Variants in PECAM1 observed in about 807,000 individuals in gnomAD.
The protein encoded by PECAM1 is platelet endothelial cell adhesion molecule.
Under a neutral mutation model 13.8 loss-of-function variants are expected in PECAM1, and 8 were observed. That is an observed-to-expected ratio of 0.58 (90% CI 0.34 to 1.05). The LOEUF (loss-of-function observed/expected upper bound fraction) is 1.05, where lower values mean the gene tolerates loss of function less well. PECAM1 is among the 50% of genes least tolerant of loss of function. The probability of loss-of-function intolerance (pLI) is 0.03; values close to 1 mark genes in which losing one functional copy is unlikely to be tolerated. For synonymous variants in PECAM1, 136 were observed against 52.6 expected (o/e 2.58, Z -6.86); for missense variants, 304 against 141.2 (o/e 2.15, Z -5.84).
chr17:64,338,377 G>GC (rs1327724247), intron 14 of PECAM1, among the ~76,000 whole-genome samples: 3 of 150,428 alleles, frequency 2.0e-5, no homozygotes, highest in African/African-American at 7.3e-5. Flanking sequence ...ACCATGCCCA[G>GC]CCCTAAAAGC....
Position 64,353,320 on chromosome 17 carries a change from C to T in PECAM1, c.1916+171G>A, listed in dbSNP as rs989374661. Among the ~76,000 whole-genome samples, 20 of 151,722 alleles carry T rather than the reference C, an allele frequency of 1.3e-4. No individual in the cohort carries two copies. The South Asian group carries it at 2.5e-3, about 19-fold the overall frequency. On this transcript the variant is annotated intron_variant, in intron 10 of 15. Transcript: ENST00000563924. ...TTCCACGGAGGTACACACACACACA[C>T]ACACACACACACACACACACAACTC... is the stretch of plus-strand genomic sequence containing the variant.
chr17:64,369,904 T>G lies in PECAM1; in HGVS notation c.813A>C (p.Ile271=). 2.5e-6 allele frequency: 1 copy of G among 398,664 alleles called. No homozygotes were observed. Among genetic ancestry groups the G allele is most frequent in the Non-Finnish European group, 4.4e-6 (1 of 226,106 alleles). 24.7% of individuals were successfully genotyped at this position (398,664 alleles called of 1,614,324 possible). A position where few individuals can be genotyped will look rare whatever the true frequency, so the allele number is the denominator to read the frequency against. Residue 271 remains isoleucine, a synonymous_variant, in exon 5 of 16, where the codon ATA becomes ATC. Transcript: ENST00000563924. ...THLAQEFPEI[I]IQKDKAIVAH... is the part of the protein sequence containing the mutation. ...CCACAATCGCCTTGTCCTTCTGAAT[T>G]ATGATTTCTGGAAACTCCTGGGCCA...
intron 2 of PECAM1, among the ~76,000 whole-genome samples, chr17:64,387,525 G>T (rs1348936779): frequency 6.6e-6 from 1 of 152,170 alleles, no homozygotes; most frequent in Non-Finnish European, 1.5e-5. Context: ...AGAGATTCTA[G>T]AAGTGGTGGT....
intron 11 of PECAM1, among the ~76,000 whole-genome samples, chr17:64,351,314 T>G (rs1369586284): frequency 1.3e-5 from 2 of 152,220 alleles, no homozygotes; most frequent in African/African-American, 4.8e-5. Flanking sequence ...TCTTAAAACA[T>G]ATTTCTCAAG....
chr17:64,374,035 G>A (rs1265389510), intron 4 of PECAM1, among the ~76,000 whole-genome samples: 6 of 152,042 alleles, frequency 3.9e-5, no homozygotes, highest in African/African-American at 9.7e-5. Flanking sequence ...GCAAATCTAC[G>A]TTGAACAACA....
chr17:64,323,688 G>A lies in PECAM1; in HGVS notation c.*128C>T. ...TTAAGAACCGGCAGCTTAGCCTGAG[G>A]AATTGCTGTGTTCTGTGGGAGCAGG... On this transcript the variant is annotated 3_prime_UTR_variant, in exon 16 of 16. Transcript: ENST00000563924. The A allele has an allele frequency of 6.5e-7, 1 of 1,541,868 alleles. No individual in the cohort carries two copies. The highest frequency in any genetic ancestry group is 1.7e-4 in the Middle Eastern group (1 of 5,734).
intron 2 of PECAM1, among the ~76,000 whole-genome samples, chr17:64,388,000 T>A (rs914018860): frequency 3.9e-5 from 6 of 152,194 alleles, no homozygotes; most frequent in Non-Finnish European, 7.3e-5. Context: ...TTGACCCTGC[T>A]TGCTTGGTGC....
intron 5 of PECAM1, among the ~76,000 whole-genome samples, chr17:64,365,380 G>A (rs2036080044): frequency 6.6e-6 from 1 of 151,864 alleles, no homozygotes; most frequent in East Asian, 1.9e-4. Context: ...TCAATATCGT[G>A]AAAATGGCCA....
intron 15 of PECAM1, among the ~76,000 whole-genome samples, chr17:64,327,849 C>T (rs782205051): frequency 1.3e-5 from 2 of 152,168 alleles, no homozygotes; most frequent in South Asian, 2.1e-4. Flanking sequence ...TGGGAATGAT[C>T]GCCAGGTTTG....
chr17:64,349,773 T>C (rs1017567421), intron 12 of PECAM1, among the ~76,000 whole-genome samples: 12 of 151,768 alleles, frequency 7.9e-5, no homozygotes, highest in Admixed American at 2.6e-4. Flanking sequence ...TAGTCCCAGT[T>C]ACTTGGGAGG....
chr17:64,351,465 C>G (rs2035721568), intron 11 of PECAM1, among the ~76,000 whole-genome samples: 1 of 152,146 alleles, frequency 6.6e-6, no homozygotes. Context: ...GGGCTCACAC[C>G]TGTAATCCCA....
chr17:64,341,750 C>A, intron 13 of PECAM1, 60 bp from the exon 14 acceptor site: 1 of 413,346 alleles, frequency 2.4e-6, no homozygotes, highest in Non-Finnish European at 4.4e-6. Flanking sequence ...CAGTCCACTG[C>A]AGTCATAGGA....
chr17:64,341,188 C>T lies in PECAM1; in HGVS notation c.2164+446G>A, dbSNP rs957858377. Among the ~76,000 whole-genome samples the T allele has an allele frequency of 3.0e-4, 45 of 151,588 alleles. No homozygotes were observed. The East Asian group carries it at 4.1e-3, about 14-fold the overall frequency. ...CTGAGGCAGGAGAATCACTTAAATCCGGGAAGTGGAGGTTGCAGTGAGTCG... is the reference window on the plus strand; with the variant it reads ...CTGAGGCAGGAGAATCACTTAAATCTGGGAAGTGGAGGTTGCAGTGAGTCG... On this transcript the variant is annotated intron_variant, in intron 14 of 15. Transcript: ENST00000563924.
chr17:64,347,690 TG>T (rs2035610264), intron 13 of PECAM1, among the ~76,000 whole-genome samples: 3 of 131,516 alleles, frequency 2.3e-5, no homozygotes, highest in Non-Finnish European at 3.2e-5. Flanking sequence ...ATATTATATA[TG>T]TATTTATATT....
At chr17:64,370,875 A>G (rs1367692968) in intron 4 of PECAM1, among the ~76,000 whole-genome samples, 11 of 152,168 alleles carry the variant, frequency 7.2e-5, no homozygotes, top group African/African-American at 2.7e-4. Flanking sequence ...TTAAAATGCT[A>G]ATAGTGAACT....
In PECAM1 at chr17:64,321,122, C is replaced by A. The variant is rs530903389; in HGVS notation, c.*2694G>T. The A allele has an allele frequency of 2.0e-5, 3 of 152,378 alleles. No individual in the cohort carries two copies. The highest frequency in any genetic ancestry group is 4.8e-5 in the African/African-American group (2 of 41,588). The allele number at this position is 152,378 out of a possible 1,614,324, so 9.4% of individuals were successfully genotyped here. On this transcript the variant is annotated 3_prime_UTR_variant, in exon 16 of 16. Transcript: ENST00000563924. Reference sequence around the variant, plus strand: ...ACGCTGATGGGGCGACCAGTATATGCTCATGAAATGGGTGGCTGACCTCTT... The same window carrying A: ...ACGCTGATGGGGCGACCAGTATATGATCATGAAATGGGTGGCTGACCTCTT...
rs1467027995 is a variant in PECAM1, at chr17:64,320,807, GT to G, written c.*3008del. 2.6e-5 allele frequency: 4 copies of G among 152,244 alleles called. No homozygotes were observed. Among genetic ancestry groups the G allele is most frequent in the African/African-American group, 9.7e-5 (4 of 41,448 alleles). The allele number at this position is 152,244 out of a possible 1,614,324, so 9.4% of individuals were successfully genotyped here. A position where few individuals can be genotyped will look rare whatever the true frequency, so the allele number is the denominator to read the frequency against. Reference sequence around the variant, plus strand: ...AAATAACTGGATGCTTCTGTGCAGAGTTTCTCAACCTGGCCATTATTGGCAT... The same window carrying G: ...AAATAACTGGATGCTTCTGTGCAGAGTTCTCAACCTGGCCATTATTGGCAT... On this transcript the variant is annotated 3_prime_UTR_variant, in exon 16 of 16. Coordinates refer to ENST00000563924, the MANE Select transcript of PECAM1 (RefSeq NM_000442.5).
At chr17:64,377,627 A>AGGAC in intron 3 of PECAM1, 197 bp downstream of exon 3, 2 of 384,638 alleles carry the variant, frequency 5.2e-6, no homozygotes, top group Non-Finnish European at 9.2e-6. Context: ...AAAGGAAGGA[A>AGGAC]GGAAGGAAGG....
intron 12 of PECAM1, among the ~76,000 whole-genome samples, chr17:64,348,820 G>C (rs1293496595): frequency 6.6e-6 from 1 of 152,200 alleles, no homozygotes; most frequent in Non-Finnish European, 1.5e-5. Flanking sequence ...GGATGAGGAA[G>C]GGAGTACGAA....
Sources: gnomAD v4.1 joint callset for allele counts (sites outside exome capture counted in the v4.1 genomes callset) on GRCh38, gnomAD v4.1.1 for gene constraint, MANE v1.5 for transcripts, NCBI Gene and HGNC (gene_info 2026-07-23, HGNC 2026-07-21) for gene names.